SMURF1: variants seen among roughly 807,000 people sequenced by gnomAD.
SMURF1 encodes the protein SMAD specific E3 ubiquitin protein ligase 1.
In SMURF1, 44 loss-of-function variants were observed where a neutral mutation model predicts 98.0. The observed-to-expected ratio is 0.45, with a 90% CI of 0.35 to 0.58. SMURF1 has a LOEUF of 0.58. SMURF1 is among the 20% of genes least tolerant of loss of function. SMURF1 has a pLI of 0.00. For synonymous variants in SMURF1, 396 were observed against 374.9 expected (o/e 1.06, Z -0.65); for missense variants, 687 against 938.4 (o/e 0.73, Z 3.50).
In SMURF1 at chr7:99,045,148, C is replaced by CA. The variant is rs796911489; in HGVS notation, c.1256+549dup. On this transcript the variant is annotated intron_variant, in intron 11 of 17. Coordinates refer to ENST00000361368, the MANE Select transcript of SMURF1 (RefSeq NM_181349.3). ...AGCAAGACCCCGTCTCAAAAAAGACCAAAAAAAAAAAATTGTCTTGAAGCT... is the reference window on the plus strand; with the variant it reads ...AGCAAGACCCCGTCTCAAAAAAGACCAAAAAAAAAAAAATTGTCTTGAAGCT... 9.8e-3 allele frequency among the ~76,000 whole-genome samples: 1,395 copies of CA among 141,666 alleles called. 26 individuals carry two copies. The highest frequency in any genetic ancestry group is 0.031 in the African/African-American group (1,195 of 38,818). 92.9% of individuals were successfully genotyped at this position (141,666 alleles called of 152,430 possible). A position where few individuals can be genotyped will look rare whatever the true frequency, so the allele number is the denominator to read the frequency against.
intron 1 of SMURF1, among the ~76,000 whole-genome samples, chr7:99,137,123 C>G (rs1175128105): frequency 2.6e-5 from 4 of 152,084 alleles, no homozygotes; most frequent in Non-Finnish European, 5.9e-5. Context: ...TGTTTATTAA[C>G]CGGTTCTATA....
intron 9 of SMURF1, chr7:99,048,313 C>T (rs1325862538): frequency 1.2e-5 from 2 of 171,754 alleles, no homozygotes; most frequent in Admixed American, 1.1e-4. Context: ...CGCTTGAACC[C>T]GGGAGGCAGA....
chr7:99,060,340 C>T (rs1795999812), intron 3 of SMURF1, among the ~76,000 whole-genome samples: 1 of 146,842 alleles, frequency 6.8e-6, no homozygotes, highest in African/African-American at 2.5e-5. Flanking sequence ...GATCACGCCA[C>T]CGCACTCCAG....
chr7:99,126,450 G>A (rs1375394299), intron 1 of SMURF1, among the ~76,000 whole-genome samples: 3 of 151,322 alleles, frequency 2.0e-5, no homozygotes, highest in Non-Finnish European at 4.4e-5. Flanking sequence ...GAGGTCAGAT[G>A]TTCGAGACCA....
chr7:99,039,749 C>T (rs898847902), intron 13 of SMURF1, among the ~76,000 whole-genome samples: 11 of 152,164 alleles, frequency 7.2e-5, no homozygotes, highest in African/African-American at 1.9e-4. Context: ...CCAGGAGCCC[C>T]GACTCCGACT....
intron 1 of SMURF1, among the ~76,000 whole-genome samples, chr7:99,094,216 C>T (rs1344032065): frequency 6.6e-6 from 1 of 152,114 alleles, no homozygotes; most frequent in Admixed American, 6.5e-5. Context: ...TCAACAAGAA[C>T]AACGAATAGC....
At chr7:99,063,237 TTATTTATA>T (rs1796081680) in intron 1 of SMURF1, among the ~76,000 whole-genome samples, 2 of 76,914 alleles carry the variant, frequency 2.6e-5, no homozygotes, top group African/African-American at 1.4e-4. Context: ...TATATAAGAT[TTATTTATA>T]TATATATATA....
At chr7:99,112,009 T>C (rs1797335071) in intron 1 of SMURF1, among the ~76,000 whole-genome samples, 1 of 152,198 alleles carries the variant, frequency 6.6e-6, no homozygotes, top group African/African-American at 2.4e-5. Context: ...TACTCATTGC[T>C]ATTACCTGGG....
At chr7:99,096,924 C>T (rs756299096) in intron 1 of SMURF1, among the ~76,000 whole-genome samples, 2 of 151,994 alleles carry the variant, frequency 1.3e-5, no homozygotes, top group African/African-American at 4.8e-5. Flanking sequence ...TAGAGTCATA[C>T]GATGTATGTT....
At chr7:99,110,511 CAA>C (rs1423526523) in intron 1 of SMURF1, among the ~76,000 whole-genome samples, 1 of 152,200 alleles carries the variant, frequency 6.6e-6, no homozygotes, top group Non-Finnish European at 1.5e-5. Flanking sequence ...CAACCTCACT[CAA>C]GAGAGATGCA....
chr7:99,039,987 G>A (rs184968527), intron 13 of SMURF1, among the ~76,000 whole-genome samples: 2 of 152,268 alleles, frequency 1.3e-5, no homozygotes, highest in East Asian at 3.9e-4. Context: ...CCCCACAACG[G>A]GCCTGGGGAG....
Position 99,038,542 on chromosome 7 carries a change from G to C in SMURF1, c.1551-17C>G. 2 of 1,612,942 alleles carry C rather than the reference G, an allele frequency of 1.2e-6. No individual in the cohort carries two copies. Among genetic ancestry groups the C allele is most frequent in the Non-Finnish European group, 1.7e-6 (2 of 1,179,416 alleles). ...TCGTTCTCTCTGTTGAAATAAGACA[G>C]AAGGATGTAGGTTAGAACTCTGCCA... On this transcript the variant is annotated splice_polypyrimidine_tract_variant and intron_variant, in intron 13 of 17. Coordinates refer to ENST00000361368, the MANE Select transcript of SMURF1 (RefSeq NM_181349.3).
At chr7:99,125,807 G>T (rs1002426042) in intron 1 of SMURF1, among the ~76,000 whole-genome samples, 3 of 152,152 alleles carry the variant, frequency 2.0e-5, no homozygotes, top group Admixed American at 2.0e-4. Context: ...TTTCTACCCA[G>T]CAGGCCTATA....
At chr7:99,062,205 C>T (rs1796049684) in intron 1 of SMURF1, among the ~76,000 whole-genome samples, 1 of 150,906 alleles carries the variant, frequency 6.6e-6, no homozygotes, top group Non-Finnish European at 1.5e-5. Context: ...TCAAGCAATC[C>T]TCTTGCCTCA....
At chr7:99,100,654 G>T (rs911908131) in intron 1 of SMURF1, among the ~76,000 whole-genome samples, 3 of 152,178 alleles carry the variant, frequency 2.0e-5, no homozygotes, top group Admixed American at 6.5e-5. Flanking sequence ...GGAGACTAAA[G>T]CAGATTTATT....
intron 1 of SMURF1, among the ~76,000 whole-genome samples, chr7:99,103,020 T>C (rs1016590762): frequency 2.0e-5 from 3 of 151,710 alleles, no homozygotes; most frequent in African/African-American, 7.3e-5. Context: ...CCCAGGCTGG[T>C]TTCAAACTCC....
chr7:99,059,524 G>A (rs988054151), intron 3 of SMURF1, among the ~76,000 whole-genome samples: 3 of 151,884 alleles, frequency 2.0e-5, no homozygotes, highest in Non-Finnish European at 2.9e-5. Flanking sequence ...TGATGGCTTT[G>A]ATCATATAAA....
intron 1 of SMURF1, among the ~76,000 whole-genome samples, chr7:99,063,302 TATAA>T (rs1563012944): frequency 0.012 from 311 of 26,568 alleles, 36 homozygotes; most frequent in Middle Eastern, 0.029. Context: ...TATATATATA[TATAA>T]AAAGAGACAG....
chr7:99,072,345 TAGAA>T (rs752921038), intron 1 of SMURF1, among the ~76,000 whole-genome samples: 7 of 152,022 alleles, frequency 4.6e-5, no homozygotes, highest in Non-Finnish European at 8.8e-5. Context: ...ATTTGACACA[TAGAA>T]AGATCAACAG....
Sources: gnomAD v4.1 joint callset for allele counts (sites outside exome capture counted in the v4.1 genomes callset) on GRCh38, gnomAD v4.1.1 for gene constraint, MANE v1.5 for transcripts, NCBI Gene and HGNC (gene_info 2026-07-23, HGNC 2026-07-21) for gene names.